The following VCPIP1 variants were observed in gnomAD, a reference collection of about 807,000 sequenced individuals.
The protein encoded by VCPIP1 is valosin containing protein interacting protein 1.
A neutral mutation model predicts 85.0 loss-of-function variants in VCPIP1; 8 were observed. The ratio of observed to expected loss-of-function variants is 0.09; its 90% CI spans 0.06 to 0.17. The LOEUF (loss-of-function observed/expected upper bound fraction) is 0.17, where lower values mean the gene tolerates loss of function less well. Ranked by LOEUF, VCPIP1 falls within the 10% of genes least tolerant of loss-of-function variation. The probability of loss-of-function intolerance (pLI) is 1.00; values close to 1 mark genes in which losing one functional copy is unlikely to be tolerated. For missense variants in VCPIP1, 1,070 were observed against 1,486.3 expected, an observed-to-expected ratio of 0.72 and a Z score of 4.61; for synonymous variants, 543 against 544.5, an observed-to-expected ratio of 1.00 and a Z score of 0.04.
rs1243981099 is a variant in VCPIP1, at chr8:66,666,224, G to A, written c.735C>T (p.His245=). The A allele has an allele frequency of 1.2e-6, 2 of 1,613,972 alleles. No individual in the cohort carries two copies. The highest frequency in any genetic ancestry group is 1.1e-5 in the South Asian group (1 of 91,078). Residue 245 remains histidine (H), a synonymous_variant, in exon 1 of 3, where the codon CAC becomes CAT. Coordinates refer to ENST00000310421, the MANE Select transcript of VCPIP1 (RefSeq NM_025054.5). This position sits in a 1 kb window ranked among gnomAD's most constrained non-coding sequence, Gnocchi z 6.3. ...WHALRENLKQ[H]FQQHLARYQA... is the part of the protein sequence containing the mutation. ...GATATCGGGCCAGGTGCTGCTGAAA[G>A]TGCTGTTTAAGATTCTCTCTTAAGG...
At chr8:66,652,064 C>A (rs1320174366) in intron 1 of VCPIP1, among the ~76,000 whole-genome samples, 1 of 151,382 alleles carries the variant, frequency 6.6e-6, no homozygotes. Flanking sequence ...GTCATCCCAG[C>A]TACTTAAGAG....
chr8:66,642,900 T>TA lies in VCPIP1; in HGVS notation c.2798-7529dup, dbSNP rs199936682. On this transcript the variant is annotated intron_variant, in intron 2 of 2. Transcript: ENST00000310421. ...TTGATCCAGATTACTGGAATCCCCA[T>TA]AATCCATCCTAATTAAATACTAACT... 8.0e-3 allele frequency among the ~76,000 whole-genome samples: 1,212 copies of TA among 152,100 alleles called. 14 individuals are homozygous for TA. The highest frequency in any genetic ancestry group is 0.025 in the African/African-American group (1,053 of 41,470).
At chr8:66,664,200 G>A (rs1192148736) in intron 1 of VCPIP1, 49 bp downstream of exon 1, 60 of 1,485,474 alleles carry the variant, frequency 4.0e-5, no homozygotes, top group Non-Finnish European at 5.3e-5. Flanking sequence ...AAAACTCAGT[G>A]TATTATATTT....
At chr8:66,652,037 C>G (rs780702939) in intron 1 of VCPIP1, among the ~76,000 whole-genome samples, 3 of 149,984 alleles carry the variant, frequency 2.0e-5, no homozygotes, top group East Asian at 1.9e-4. Flanking sequence ...AATAGCTGGA[C>G]GTGGTGGCAT....
chr8:66,634,486 T>A lies in VCPIP1; in HGVS notation c.*15A>T. On this transcript the variant is annotated 3_prime_UTR_variant, in exon 3 of 3. Transcript: ENST00000310421. ...TTCACAATAAACATTCTGCCTTTAT[T>A]AGCCTCTAATTAAATCAAGAGTGAT... The A allele has an allele frequency of 6.4e-7, 1 of 1,552,648 alleles. No homozygotes were observed.
At chr8:66,643,280 G>A (rs1473543996) in intron 2 of VCPIP1, among the ~76,000 whole-genome samples, 4 of 151,588 alleles carry the variant, frequency 2.6e-5, no homozygotes, top group South Asian at 2.1e-4. Context: ...CTGAGATCAC[G>A]GCACTGCACT....
chr8:66,651,410 C>T (rs1402412759), intron 2 of VCPIP1, 48 bp downstream of exon 2: 9 of 1,371,766 alleles, frequency 6.6e-6, no homozygotes, highest in Non-Finnish European at 9.1e-6. Context: ...AATCTTAAAA[C>T]AGCTTCAGTA....
intron 2 of VCPIP1, among the ~76,000 whole-genome samples, chr8:66,637,036 G>A (rs1020269745): frequency 1.3e-5 from 2 of 152,100 alleles, no homozygotes; most frequent in African/African-American, 2.4e-5. Context: ...GTTTCTGCAC[G>A]TTTATATTGT....
intron 1 of VCPIP1, among the ~76,000 whole-genome samples, chr8:66,660,874 T>C (rs1423375469): frequency 6.6e-6 from 1 of 152,054 alleles, no homozygotes; most frequent in Non-Finnish European, 1.5e-5. Flanking sequence ...AGAAACTCTC[T>C]CTCTATTAAA....
intron 2 of VCPIP1, among the ~76,000 whole-genome samples, chr8:66,640,681 A>T (rs536556221): frequency 1.3e-4 from 19 of 149,724 alleles, no homozygotes; most frequent in Admixed American, 6.6e-4. Context: ...ATGTCAGAGA[A>T]AAGTAGCTTG....
intron 2 of VCPIP1, among the ~76,000 whole-genome samples, chr8:66,639,789 G>C (rs535716690): frequency 7.2e-5 from 11 of 152,200 alleles, no homozygotes; most frequent in African/African-American, 2.4e-4. Flanking sequence ...CTCCTTTCCT[G>C]TTTTTGGAAG....
Position 66,664,384 on chromosome 8 carries a change from G to C in VCPIP1, c.2575C>G (p.Gln859Glu). 2.5e-6 allele frequency: 4 copies of C among 1,613,722 alleles called. No homozygotes were observed. The highest frequency in any genetic ancestry group is 1.7e-4 in the Middle Eastern group (1 of 6,060). ...EILKSKAEGG[Q>E]SAAAHSAHTV... ...TGGGCTGAGTGTGCTGCAGCAGACT[G>C]ACCACCTTCAGCTTTACTTTTTAGA... The change falls in exon 1 of 3, where the codon CAG (glutamine) becomes GAG (glutamate). Residue 859 changes from glutamine to glutamate, a missense_variant. Gln to Glu is a conservative substitution (Grantham distance 29, BLOSUM62 2). Transcript: ENST00000310421.
intron 2 of VCPIP1, among the ~76,000 whole-genome samples, chr8:66,638,966 C>CTA (rs1352372228): frequency 0.015 from 1,965 of 130,800 alleles, 29 homozygotes; most frequent in Middle Eastern, 0.03. Flanking sequence ...CTCTCTCTCT[C>CTA]TCTCTATATA....
Position 66,634,647 on chromosome 8 carries a change from T to C in VCPIP1, c.3523A>G (p.Thr1175Ala), listed in dbSNP as rs1432651744. 6.2e-7 allele frequency: 1 copy of C among 1,614,114 alleles called. No homozygotes were observed. Among genetic ancestry groups the C allele is most frequent in the African/African-American group, 1.3e-5 (1 of 74,938 alleles). ...GGTENLNTETTDGCVADALGA... is the reference protein window; with the variant it reads ...GGTENLNTETADGCVADALGA... ...AGTGCATCTGCTACACAGCCATCAGTTGTTTCTGTATTCAAATTTTCAGTA... is the reference window on the plus strand; with the variant it reads ...AGTGCATCTGCTACACAGCCATCAGCTGTTTCTGTATTCAAATTTTCAGTA... The change falls in exon 3 of 3, where the codon ACT becomes GCT. Residue 1175 changes from threonine to alanine, a missense_variant. This residue lies in a region of VCPIP1 where 255 missense variants were observed against 289.5 expected (regional missense o/e 0.88). Transcript: ENST00000310421.
At chr8:66,654,601 C>T (rs1358213140) in intron 1 of VCPIP1, among the ~76,000 whole-genome samples, 3 of 152,220 alleles carry the variant, frequency 2.0e-5, no homozygotes. Flanking sequence ...AAACAAATAT[C>T]TCCACTGAAG....
Position 66,666,703 on chromosome 8 carries a change from C to T in VCPIP1, c.256G>A (p.Glu86Lys). 1.2e-6 allele frequency: 2 copies of T among 1,614,216 alleles called. No individual in the cohort carries two copies. The highest frequency in any genetic ancestry group is 2.2e-5 in the South Asian group (2 of 91,078). The change falls in exon 1 of 3, where the codon GAG becomes AAG. Residue 86 changes from glutamate (E) to lysine (K), a missense_variant. This residue lies in a region of VCPIP1 where 164 missense variants were observed against 158.6 expected (regional missense o/e 1.03). Coordinates refer to ENST00000310421, the MANE Select transcript of VCPIP1 (RefSeq NM_025054.5). The surrounding 1 kb of genome is among the most constrained non-coding windows in gnomAD (Gnocchi z 6.3). ...ACTACGTCCGGGTCGGTCACCTCCT[C>T]AACCCCCAGCAGCTGTTGCTGCTCG... ...RHEQQQLLGV[E>K]EVTDPDVVLH...
intron 1 of VCPIP1, among the ~76,000 whole-genome samples, chr8:66,663,982 T>A (rs997098926): frequency 2.8e-4 from 42 of 152,224 alleles, no homozygotes; most frequent in African/African-American, 1.0e-3. Context: ...GTCTGTTTTT[T>A]AAAAAGCAAT....
intron 2 of VCPIP1, among the ~76,000 whole-genome samples, chr8:66,636,852 C>T (rs560225422): frequency 1.1e-4 from 17 of 150,186 alleles, no homozygotes; most frequent in Admixed American, 2.0e-4. Context: ...GAGACTCCGT[C>T]TCAAAAAAAA....
In VCPIP1 at chr8:66,665,453, C is replaced by T; in HGVS notation, c.1506G>A (p.Leu502=). ...YNLAKSTHGQ[L]RTDKNYSFPL... is the part of the protein sequence containing the mutation. ...GAAAGCTGTAATTTTTGTCAGTCCT[C>T]AGCTGTCCATGAGTACTTTTTGCCA... Residue 502 remains leucine (L), a synonymous_variant, in exon 1 of 3, where the codon CTG becomes CTA. Transcript: ENST00000310421. This position sits in a 1 kb window ranked among gnomAD's most constrained non-coding sequence, Gnocchi z 4.3. 6.2e-7 allele frequency: 1 copy of T among 1,614,240 alleles called. No homozygotes were observed. The highest frequency in any genetic ancestry group is 8.5e-7 in the Non-Finnish European group (1 of 1,180,044).
Sources: allele counts gnomAD v4.1 joint callset (sites outside exome capture counted in the v4.1 genomes callset), GRCh38; gene constraint gnomAD v4.1.1; regional missense constraint gnomAD v4.1.1; non-coding constraint Gnocchi (gnomAD v3.1); transcripts MANE v1.5; gene names NCBI Gene and HGNC (gene_info 2026-07-23, HGNC 2026-07-21).